Variants in TTN observed in about 807,000 individuals in gnomAD.
The protein encoded by TTN is titin.
TTN carries 1,525 observed loss-of-function variants against 3,223.0 expected under a neutral mutation model. The observed-to-expected ratio is 0.47, with a 90% CI of 0.45 to 0.49. TTN has a LOEUF of 0.49. Among genes scored for constraint, TTN ranks in the 20% least tolerant of loss-of-function variants. The probability of loss-of-function intolerance (pLI) is 0.00; values close to 1 mark genes in which losing one functional copy is unlikely to be tolerated. For synonymous variants in TTN, 14,094 were observed against 15,161.0 expected, an observed-to-expected ratio of 0.93 and a Z score of 5.17; for missense variants, 40,786 against 43,424.0, an observed-to-expected ratio of 0.94 and a Z score of 5.40.
rs1165341799 is a variant in TTN, at chr2:178,534,169, T to C, written c.102446A>G (p.Glu34149Gly). ...SGQIMHAVGE[E>G]GGHVKYVCKI... ...GCATACATATTTGACATGTCCTCCT[T>C]CTTCACCAACTGCATGCATTATCTG... The change falls in exon 358 of 363, where the codon GAA becomes GGA. Residue 34149 changes from glutamate to glycine, a missense_variant. By Grantham distance (98) the Glu-to-Gly change is moderately conservative (BLOSUM62 -2). Transcript: ENST00000589042. 4 of 1,613,856 alleles carry C rather than the reference T, an allele frequency of 2.5e-6. No individual in the cohort carries two copies. Among genetic ancestry groups the C allele is most frequent in the African/African-American group, 1.3e-5 (1 of 74,924 alleles).
intron 330 of TTN, 36 bp from the exon 331 acceptor site, chr2:178,555,188 T>G (rs1191494908): frequency 3.2e-6 from 5 of 1,575,318 alleles, no homozygotes; most frequent in Non-Finnish European, 4.3e-6. Context: ...TTTAAAATAT[T>G]ATAAGGATGG....
Position 178,727,139 on chromosome 2 carries a change from A to G in TTN, c.20226T>C (p.Ala6742=), listed in dbSNP as rs991854701. 2 of 1,603,506 alleles carry G rather than the reference A, an allele frequency of 1.2e-6. No homozygotes were observed. Among genetic ancestry groups the G allele is most frequent in the Non-Finnish European group, 8.5e-7 (1 of 1,173,108 alleles). ...TEDSGDFICE[A]QNPAGSTSCS... The stretch of plus-strand genomic sequence containing the variant: ...AGCTTGTGCTGCCAGCGGGATTCTG[A>G]GCCTCACAAATGAAATCTCCACTGT... The change falls in exon 69 of 363, where the codon GCT becomes GCC. Residue 6742 remains alanine (A), a synonymous_variant. Coordinates refer to ENST00000589042, the MANE Select transcript of TTN (RefSeq NM_001267550.2).
Position 178,560,520 on chromosome 2 carries a change from C to T in TTN, c.85612G>A (p.Glu28538Lys). The T allele has an allele frequency of 6.2e-7, 1 of 1,613,244 alleles. No individual in the cohort carries two copies. Among genetic ancestry groups the T allele is most frequent in the Non-Finnish European group, 8.5e-7 (1 of 1,179,598 alleles). Residue 28538 changes from glutamate (E) to lysine (K), a missense_variant, in exon 326 of 363, where the codon GAG becomes AAG. Glu to Lys is a moderately conservative substitution (Grantham distance 56, BLOSUM62 1). Transcript: ENST00000589042. ...TCTAGTGCCTTTATAGCTACACTCTCTAGGGGCTCACCAACACCATATTTA... is the reference window on the plus strand; with the variant it reads ...TCTAGTGCCTTTATAGCTACACTCTTTAGGGGCTCACCAACACCATATTTA... ...VNKYGVGEPL[E>K]SVAIKALDPF...
Position 178,581,770 on chromosome 2 carries a change from A to T in TTN, c.66498T>A (p.Tyr22166Ter). The stretch of plus-strand genomic sequence containing the variant: ...GACTCACAGAGCTGCGAGTTGTATC[A>T]TATACTTTAGGGAAAGCCGGTGGGC... Reference protein sequence around the residue: ...PPGPPAFPKVYDTTRSSVSLS... With the variant: ...PPGPPAFPKV Residue 22166 changes from tyrosine to a stop codon, truncating the protein, a stop_gained, in exon 316 of 363, where the codon TAT (tyrosine) becomes TAA (stop). Transcript: ENST00000589042. LOFTEE classifies it high-confidence loss of function. The T allele has an allele frequency of 6.2e-7, 1 of 1,603,444 alleles. No individual in the cohort carries two copies. Among genetic ancestry groups the T allele is most frequent in the Non-Finnish European group, 8.5e-7 (1 of 1,174,448 alleles).
rs1296893267 is a variant in TTN at position 178,689,336 on chromosome 2, C to T, written c.31965G>A (p.Arg10655=). ...CTTCCTCCTTCCGAGGAACAGGTTT[C>T]CTTTCTTCAGGAACTTTCTTCTTTG... The part of the protein sequence containing the change: ...EIPKKKVPEE[R]KPVPRKEEEV... Residue 10655 remains arginine, a synonymous_variant, in exon 124 of 363, where the codon AGG becomes AGA. Coordinates refer to ENST00000589042, the MANE Select transcript of TTN (RefSeq NM_001267550.2). 2 of 1,613,766 alleles carry T rather than the reference C, an allele frequency of 1.2e-6. No individual in the cohort carries two copies. The highest frequency in any genetic ancestry group is 1.7e-6 in the Non-Finnish European group (2 of 1,179,822).
At chr2:178,714,234 A>G in intron 91 of TTN, 58 bp downstream of exon 91, 1 of 1,592,194 alleles carries the variant, frequency 6.3e-7, no homozygotes, top group South Asian at 1.1e-5. Flanking sequence ...ACTAAAGAAA[A>G]TACAGATCCT....
In TTN at chr2:178,631,148, T is replaced by G; in HGVS notation, c.43900A>C (p.Lys14634Gln). The G allele has an allele frequency of 6.2e-7, 1 of 1,613,388 alleles. No individual in the cohort carries two copies. The highest frequency in any genetic ancestry group is 8.5e-7 in the Non-Finnish European group (1 of 1,179,592). ...EIKPSKNAVI[K>Q]ADGKKRMLIL... Reference sequence around the variant, plus strand: ...AGCATGCGTTTCTTGCCATCTGCCTTAATAACAGCATTTTTGGATGGCTTT... The same window carrying G: ...AGCATGCGTTTCTTGCCATCTGCCTGAATAACAGCATTTTTGGATGGCTTT... The change falls in exon 237 of 363, where the codon AAG (lysine) becomes CAG (glutamine). Residue 14634 changes from lysine to glutamine, a missense_variant. Coordinates refer to ENST00000589042, the MANE Select transcript of TTN (RefSeq NM_001267550.2).
intron 282 of TTN, 145 bp from the exon 283 acceptor site, chr2:178,602,735 G>A (rs951918370): frequency 3.1e-5 from 20 of 652,016 alleles, no homozygotes; most frequent in Middle Eastern, 4.8e-4. Context: ...TTGCCTTCTA[G>A]AGAAGAGAAA....
intron 132 of TTN, 84 bp downstream of exon 132, chr2:178,684,246 C>CAAT (rs35780320): frequency 6.8e-7 from 1 of 1,469,480 alleles, no homozygotes; most frequent in African/African-American, 1.4e-5. Flanking sequence ...ACAACAACAA[C>CAAT]AAAAACCAGC....
rs754060793 is a variant in TTN, at chr2:178,572,210, T to A, written c.73922A>T (p.Glu24641Val). 12 of 1,613,382 alleles carry A rather than the reference T, an allele frequency of 7.4e-6. No homozygotes were observed. The highest frequency in any genetic ancestry group is 2.7e-5 in the African/African-American group (2 of 74,900). ...NSVSLSWEKPEHDGGSRILGY... is the reference protein window; with the variant it reads ...NSVSLSWEKPVHDGGSRILGY... ...TAGAATTCGGCTGCCTCCATCATGCTCTGGTTTCTCCCAAGAGAGTGACAC... is the reference window on the plus strand; with the variant it reads ...TAGAATTCGGCTGCCTCCATCATGCACTGGTTTCTCCCAAGAGAGTGACAC... The change falls in exon 326 of 363, where the codon GAG becomes GTG. Residue 24641 changes from glutamate (E) to valine (V), a missense_variant. Coordinates refer to ENST00000589042, the MANE Select transcript of TTN (RefSeq NM_001267550.2).
rs780359890 is a variant in TTN, at chr2:178,564,786, T to C, written c.81346A>G (p.Ser27116Gly). 1 of 1,612,310 alleles carries C rather than the reference T, an allele frequency of 6.2e-7. No homozygotes were observed. Among genetic ancestry groups the C allele is most frequent in the East Asian group, 2.2e-5 (1 of 44,664 alleles). ...GYHLEQKEKN[S>G]ILWVKLNKTP... Reference sequence around the variant, plus strand: ...TTATTTAACTTGACCCATAAAATACTGTTCTTTTCTTTCTGTTCAAGATGG... The same window carrying C: ...TTATTTAACTTGACCCATAAAATACCGTTCTTTTCTTTCTGTTCAAGATGG... The change falls in exon 326 of 363, where the codon AGT becomes GGT. Residue 27116 changes from serine (S) to glycine (G), a missense_variant. Transcript: ENST00000589042.
chr2:178,727,919 G>A (rs1326374076), intron 67 of TTN, 56 bp from the exon 68 acceptor site: 5 of 1,492,008 alleles, frequency 3.4e-6, no homozygotes, highest in Non-Finnish European at 4.5e-6. Flanking sequence ...GAATTATTGT[G>A]ACAGTTTTAT....
chr2:178,745,702 T>C (rs2083371151), intron 47 of TTN: 1 of 1,611,716 alleles, frequency 6.2e-7, no homozygotes, highest in Admixed American at 1.7e-5. Flanking sequence ...TATGGAACCC[T>C]GTGCCACTTT....
Position 178,731,158 on chromosome 2 carries a change from T to A in TTN, c.17507A>T (p.Gln5836Leu). 6.2e-7 allele frequency: 1 copy of A among 1,613,688 alleles called. No individual in the cohort carries two copies. The part of the protein sequence containing the change: ...TEEAVSIDVT[Q>L]GDPATLQVKF... ...AACCTGCAAAGTGGCTGGGTCTCCT[T>A]GGGTGACATCTATAGACACAGCTTC... Residue 5836 changes from glutamine to leucine, a missense_variant, in exon 60 of 363, where the codon CAA (glutamine) becomes CTA (leucine). By Grantham distance (113) the Gln-to-Leu change is moderately radical. Transcript: ENST00000589042.
chr2:178,740,139 G>A lies in TTN; in HGVS notation c.13094C>T (p.Ala4365Val), dbSNP rs1560903659. 6.2e-7 allele frequency: 1 copy of A among 1,613,736 alleles called. No individual in the cohort carries two copies. Among genetic ancestry groups the A allele is most frequent in the Admixed American group, 1.7e-5 (1 of 59,992 alleles). The change falls in exon 48 of 363, where the codon GCA becomes GTA. Residue 4365 changes from alanine (A) to valine (V), a missense_variant. By Grantham distance (64) the Ala-to-Val change is moderately conservative. Coordinates refer to ENST00000589042, the MANE Select transcript of TTN (RefSeq NM_001267550.2). Reference sequence around the variant, plus strand: ...CTGTACCTCCTGCACTTTCTTTATTGCCACGGGCTCTCTTTTAGACTCAAT... The same window carrying A: ...CTGTACCTCCTGCACTTTCTTTATTACCACGGGCTCTCTTTTAGACTCAAT... ...QIIESKREPV[A>V]IKKVQEVQGR...
Position 178,589,538 on chromosome 2 carries a change from C to T in TTN, c.62187G>A (p.Met20729Ile). 6.2e-7 allele frequency: 1 copy of T among 1,613,332 alleles called. No homozygotes were observed. ...TCTGGTTTTCAACACATCTGTCAAC[C>T]ATGTAGTGAGTTTCTTTAATGCTTC... ...HKGSIKETHYMVDRCVENQIY... is the reference protein window; with the variant it reads ...HKGSIKETHYIVDRCVENQIY... Residue 20729 changes from methionine (M) to isoleucine (I), a missense_variant, in exon 304 of 363, where the codon ATG becomes ATA. Coordinates refer to ENST00000589042, the MANE Select transcript of TTN (RefSeq NM_001267550.2).
At position 178,612,371 on chromosome 2, in the gene TTN, G is replaced by T. The variant is rs894625126; in HGVS notation, c.50154C>A (p.Gly16718=). 2 of 1,612,502 alleles carry T rather than the reference G, an allele frequency of 1.2e-6. No individual in the cohort carries two copies. Among genetic ancestry groups the T allele is most frequent in the African/African-American group, 1.3e-5 (1 of 74,926 alleles). The change falls in exon 266 of 363, where the codon GGC becomes GGA. Residue 16718 remains glycine (G), a synonymous_variant. Transcript: ENST00000589042. ...TKCTVTPLTE[G]SLYVFRVAAE... ...CAGCAACTCGGAACACATATAAAGA[G>T]CCCTCAGTCAGTGGGGTGACTGTGC...
At chr2:178,587,021 A>G (rs2049156395) in intron 307 of TTN, 97 bp downstream of exon 307, 1 of 1,509,288 alleles carries the variant, frequency 6.6e-7, no homozygotes, top group Non-Finnish European at 9.1e-7. Flanking sequence ...TCTACAAATG[A>G]AATCTCTTTC....
intron 295 of TTN, among the ~76,000 whole-genome samples, chr2:178,594,853 TAG>T (rs1389952176): frequency 1.3e-5 from 2 of 151,970 alleles, no homozygotes; most frequent in Non-Finnish European, 2.9e-5. Flanking sequence ...GATGAGGAAA[TAG>T]AGGTTTGTTG....
Sources: allele counts gnomAD v4.1 joint callset (sites outside exome capture counted in the v4.1 genomes callset), GRCh38; gene constraint gnomAD v4.1.1; transcripts MANE v1.5; gene names NCBI Gene and HGNC (gene_info 2026-07-23, HGNC 2026-07-21).